TESK2: variants seen among roughly 807,000 people sequenced by gnomAD.
The protein encoded by TESK2 is testis associated actin remodelling kinase 2.
In TESK2, 39 loss-of-function variants were observed where a neutral mutation model predicts 57.1. The ratio of observed to expected loss-of-function variants is 0.68; its 90% confidence interval spans 0.53 to 0.89. TESK2 has a LOEUF of 0.89. Among genes scored for constraint, TESK2 ranks in the 40% least tolerant of loss-of-function variants. The pLI, the probability that TESK2 is intolerant of heterozygous loss-of-function variation, is 0.00. For missense variants in TESK2, 646 were observed against 732.1 expected, an observed-to-expected ratio of 0.88 and a Z score of 1.36; for synonymous variants, 249 against 267.9, an observed-to-expected ratio of 0.93 and a Z score of 0.69.
intron 2 of TESK2, among the ~76,000 whole-genome samples, chr1:45,422,780 T>TTGTTGTTG (rs1234266587): frequency 4.9e-4 from 5 of 10,250 alleles, no homozygotes; most frequent in Non-Finnish European, 9.1e-4. Context: ...TGTTGTTGTT[T>TTGTTGTTG]TTGTTTTGAG....
intron 2 of TESK2, among the ~76,000 whole-genome samples, chr1:45,430,467 G>A (rs910459673): frequency 6.6e-6 from 1 of 152,102 alleles, no homozygotes; most frequent in African/African-American, 2.4e-5. Flanking sequence ...CTCCAGCCTG[G>A]GCAACACAGT....
At position 45,457,734 on chromosome 1, in the gene TESK2, G is replaced by C. The variant is rs1038580098; in HGVS notation, c.52C>G (p.Arg18Gly). The C allele has an allele frequency of 3.3e-5, 54 of 1,613,954 alleles. 2 individuals carry two copies. The highest frequency in any genetic ancestry group is 8.5e-7 in the Non-Finnish European group (1 of 1,179,994). The change falls in exon 2 of 11, where the codon CGT becomes GGT. Residue 18 changes from arginine to glycine, a missense_variant. Arg to Gly is a moderately radical substitution (Grantham distance 125, BLOSUM62 -2). Transcript: ENST00000372086. ...SIAGFPPRVE[R>G]LEEFEGGGGG... ...CCACCTCCTTCAAACTCTTCAAGAC[G>C]CTCCACACGTGGAGGAAATCCTGCA... is the stretch of plus-strand genomic sequence containing the variant.
intron 1 of TESK2, among the ~76,000 whole-genome samples, chr1:45,485,966 A>G (rs968447643): frequency 1.6e-4 from 24 of 152,050 alleles, no homozygotes; most frequent in Non-Finnish European, 2.8e-4. Flanking sequence ...ATAGTTAATA[A>G]CAACAGAGTT....
intron 3 of TESK2, among the ~76,000 whole-genome samples, chr1:45,410,735 T>C (rs1457537139): frequency 6.6e-6 from 1 of 151,918 alleles, no homozygotes; most frequent in African/African-American, 2.4e-5. Flanking sequence ...TAATTCAATG[T>C]GATTTCTTAT....
At chr1:45,426,059 G>A (rs1380230265) in intron 2 of TESK2, among the ~76,000 whole-genome samples, 1 of 152,080 alleles carries the variant, frequency 6.6e-6, no homozygotes, top group Non-Finnish European at 1.5e-5. Flanking sequence ...GGCTGAGCAG[G>A]AGAATGGCTT....
chr1:45,372,344 G>A (rs1444011544), intron 4 of TESK2, among the ~76,000 whole-genome samples: 3 of 151,860 alleles, frequency 2.0e-5, no homozygotes, highest in Non-Finnish European at 2.9e-5. Flanking sequence ...TTGGGAGGCC[G>A]AGGCAGGCAG....
chr1:45,387,630 G>C lies in TESK2; in HGVS notation c.345-1670C>G, dbSNP rs549967404. 3.1e-4 allele frequency among the ~76,000 whole-genome samples: 47 copies of C among 152,250 alleles called. 1 individual carries two copies. In the South Asian group the frequency reaches 8.1e-3, roughly 26 times the overall value. ...CCTAACACCACCTAGTAAACAAAGA[G>C]TAAGCAAATTCAGTAAATGATTGCT... On this transcript the variant is annotated intron_variant, in intron 3 of 10. Coordinates refer to ENST00000372086, the MANE Select transcript of TESK2 (RefSeq NM_007170.3).
chr1:45,355,768 G>A (rs1465256684), intron 4 of TESK2, among the ~76,000 whole-genome samples: 1 of 152,224 alleles, frequency 6.6e-6, no homozygotes, highest in Non-Finnish European at 1.5e-5. Flanking sequence ...GAAATGCAGA[G>A]AGGAAATAAG....
chr1:45,365,432 G>A (rs1474445987), intron 4 of TESK2, among the ~76,000 whole-genome samples: 1 of 152,108 alleles, frequency 6.6e-6, no homozygotes, highest in Non-Finnish European at 1.5e-5. Flanking sequence ...TTAACTCTTG[G>A]CCTTCATATA....
chr1:45,403,680 A>G (rs569438642), intron 3 of TESK2, among the ~76,000 whole-genome samples: 8 of 152,296 alleles, frequency 5.3e-5, no homozygotes, highest in African/African-American at 1.9e-4. Context: ...GGGTAAAGCA[A>G]TACAAAGATC....
chr1:45,421,836 C>T lies in TESK2; in HGVS notation c.233G>A (p.Arg78Gln), dbSNP rs748458464. 1.9e-6 allele frequency: 3 copies of T among 1,613,962 alleles called. No homozygotes were observed. The South Asian group carries it at 3.3e-5, about 18-fold the overall frequency. The change falls in exon 3 of 11, where the codon CGA becomes CAA. Residue 78 changes from arginine (R) to glutamine (Q), a missense_variant. Physicochemically the swap from Arg to Gln is conservative, Grantham distance 43. Coordinates refer to ENST00000372086, the MANE Select transcript of TESK2 (RefSeq NM_007170.3). ...FFSEVFKVRH[R>Q]ASGQVMALKM... ...AAGAGCCATCACCTGACCAGAAGCT[C>T]GGTGTCGTACCTAGAATATTAAATA...
intron 5 of TESK2, among the ~76,000 whole-genome samples, chr1:45,354,336 AAAAG>A (rs1445043996): frequency 2.6e-5 from 4 of 152,162 alleles, no homozygotes; most frequent in African/African-American, 7.2e-5. Flanking sequence ...TTAAAAATAC[AAAAG>A]AAAGGCTGGG....
intron 3 of TESK2, among the ~76,000 whole-genome samples, chr1:45,404,932 T>C (rs982343295): frequency 5.9e-5 from 9 of 152,080 alleles, no homozygotes; most frequent in Non-Finnish European, 1.2e-4. Flanking sequence ...GGAGTGGATT[T>C]TTACCTCTTA....
chr1:45,377,343 G>A (rs538021046), intron 4 of TESK2, among the ~76,000 whole-genome samples: 64 of 151,228 alleles, frequency 4.2e-4, no homozygotes, highest in African/African-American at 1.4e-3. Flanking sequence ...AAAAGACGGC[G>A]GACCGATTAA....
In TESK2 at chr1:45,360,840, C is replaced by A. The variant is rs147727935; in HGVS notation, c.394-5391G>T. 1.8e-3 allele frequency among the ~76,000 whole-genome samples: 267 copies of A among 152,220 alleles called. 3 individuals carry two copies. The highest frequency in any genetic ancestry group is 6.2e-3 in the African/African-American group (258 of 41,556). On this transcript the variant is annotated intron_variant, in intron 4 of 10. Transcript: ENST00000372086. ...GAAGATTTCTTTCTTTTTTTTGAGA[C>A]GGAGTCTCACTCTGTCCCTCAGGCT...
At chr1:45,477,247 A>G (rs964833564) in intron 1 of TESK2, among the ~76,000 whole-genome samples, 9 of 151,806 alleles carry the variant, frequency 5.9e-5, no homozygotes, top group Non-Finnish European at 8.8e-5. Flanking sequence ...AAGAAAAAAA[A>G]AATCAAAAAA....
At chr1:45,435,562 ATTTTTT>A (rs750074178) in intron 2 of TESK2, among the ~76,000 whole-genome samples, 6 of 68,884 alleles carry the variant, frequency 8.7e-5, no homozygotes, top group African/African-American at 2.1e-4. Context: ...CTGTGGTCTA[ATTTTTT>A]TTTTTTTTTT....
intron 3 of TESK2, among the ~76,000 whole-genome samples, chr1:45,420,840 G>A (rs1650444094): frequency 6.6e-6 from 1 of 151,970 alleles, no homozygotes; most frequent in Admixed American, 6.6e-5. Context: ...CGCCTGCCTC[G>A]GCCTCCCAAA....
chr1:45,345,817 GCCC>G, intron 10 of TESK2, 57 bp downstream of exon 10: 1 of 1,347,368 alleles, frequency 7.4e-7, no homozygotes, highest in Non-Finnish European at 1.1e-6. Context: ...AGAGGAGAAG[GCCC>G]CACATCCGAA....
Sources: gnomAD v4.1 joint callset for allele counts (sites outside exome capture counted in the v4.1 genomes callset) on GRCh38, gnomAD v4.1.1 for gene constraint, MANE v1.5 for transcripts, NCBI Gene and HGNC (gene_info 2026-07-23, HGNC 2026-07-21) for gene names.